The following BACE2 variants were observed in gnomAD, a reference collection of about 807,000 sequenced individuals.
The protein encoded by BACE2 is beta-secretase 2, also known as 56 kDa aspartic-like protease.
BACE2 carries 17 observed loss-of-function variants against 46.2 expected under a neutral mutation model. That is an observed-to-expected ratio of 0.37 (90% CI 0.25 to 0.55). The LOEUF (loss-of-function observed/expected upper bound fraction) is 0.55. Among genes scored for constraint, BACE2 ranks in the 20% least tolerant of loss-of-function variants. BACE2 has a pLI of 0.82. For synonymous variants in BACE2, 277 were observed against 295.9 expected, an observed-to-expected ratio of 0.94 and a Z score of 0.66; for missense variants, 595 against 698.1, an observed-to-expected ratio of 0.85 and a Z score of 1.66.
chr21:41,245,730 G>A (rs3787938), intron 5 of BACE2, among the ~76,000 whole-genome samples: 64,300 of 152,142 alleles, frequency 0.42, 15,217 homozygotes, highest in East Asian at 0.65. Flanking sequence ...AATTTGGGCC[G>A]TGTCCCCTCC....
At chr21:41,171,602 G>T (rs1984612143) in intron 1 of BACE2, among the ~76,000 whole-genome samples, 1 of 152,224 alleles carries the variant, frequency 6.6e-6, no homozygotes, top group Admixed American at 6.5e-5. Flanking sequence ...ACCAGCACCT[G>T]CTTGAACCGT....
chr21:41,214,019 G>A (rs781369094), intron 1 of BACE2, among the ~76,000 whole-genome samples: 8 of 152,156 alleles, frequency 5.3e-5, no homozygotes, highest in African/African-American at 9.7e-5. Flanking sequence ...AAAATTGCAC[G>A]TGGAACCGGC....
At chr21:41,244,893 A>G (rs932488140) in intron 5 of BACE2, among the ~76,000 whole-genome samples, 4 of 144,802 alleles carry the variant, frequency 2.8e-5, no homozygotes, top group Middle Eastern at 3.7e-3. Flanking sequence ...GTGTGTGTGT[A>G]TGTGTGTGTG....
At chr21:41,214,354 T>C (rs972505339) in intron 1 of BACE2, among the ~76,000 whole-genome samples, 2 of 152,228 alleles carry the variant, frequency 1.3e-5, no homozygotes, top group Admixed American at 6.5e-5. Flanking sequence ...GTTCAGGACA[T>C]GTCTAGTTCC....
At chr21:41,189,305 C>G (rs1482940784) in intron 1 of BACE2, among the ~76,000 whole-genome samples, 2 of 152,146 alleles carry the variant, frequency 1.3e-5, no homozygotes, top group Non-Finnish European at 2.9e-5. Flanking sequence ...CTTGGACCTC[C>G]CATTATTCAG....
intron 8 of BACE2, 80 bp downstream of exon 8, chr21:41,257,406 T>C (rs1368586934): frequency 6.8e-7 from 1 of 1,475,426 alleles, no homozygotes; most frequent in Non-Finnish European, 9.2e-7. Context: ...CAATTCTTGA[T>C]GGCAACTCAA....
In BACE2 at chr21:41,278,463, A is replaced by G. The variant is rs1568898745; in HGVS notation, c.*2839A>G. On this transcript the variant is annotated 3_prime_UTR_variant, in exon 9 of 9. Transcript: ENST00000330333. ...CAAGTACTTAGCACTCAAGAAACAG[A>G]TGCCCTGTGTGTGACCGAGGGGAGT... 1 of 152,238 alleles carries G rather than the reference A, an allele frequency of 6.6e-6. No individual in the cohort carries two copies. The highest frequency in any genetic ancestry group is 1.9e-4 in the East Asian group (1 of 5,202). The allele number at this position is 152,238 out of a possible 1,614,324, so 9.4% of individuals were successfully genotyped here.
chr21:41,241,014 C>T (rs1229477978), intron 3 of BACE2, among the ~76,000 whole-genome samples: 1 of 152,220 alleles, frequency 6.6e-6, no homozygotes, highest in Non-Finnish European at 1.5e-5. Flanking sequence ...GTCACCAACT[C>T]CAGTGTCTCC....
chr21:41,233,833 C>T (rs931544065), intron 2 of BACE2, among the ~76,000 whole-genome samples: 2 of 152,140 alleles, frequency 1.3e-5, no homozygotes, highest in Non-Finnish European at 2.9e-5. Context: ...TGGTGGCATG[C>T]GCCTGTAATC....
chr21:41,222,847 G>A (rs1331208512), intron 1 of BACE2, among the ~76,000 whole-genome samples: 1 of 152,164 alleles, frequency 6.6e-6, no homozygotes, highest in Admixed American at 6.5e-5. Flanking sequence ...CTGGATGTGG[G>A]CCATGAGGGG....
chr21:41,247,316 A>C (rs1987499970), intron 6 of BACE2, among the ~76,000 whole-genome samples: 1 of 152,208 alleles, frequency 6.6e-6, no homozygotes, highest in Admixed American at 6.5e-5. Flanking sequence ...TTTTCGAAGC[A>C]GCAGGTCTCA....
chr21:41,224,592 A>G (rs564386281), intron 1 of BACE2, among the ~76,000 whole-genome samples: 1 of 152,310 alleles, frequency 6.6e-6, no homozygotes, highest in East Asian at 1.9e-4. Context: ...TTCATTCTGT[A>G]AACAACTGGG....
Position 41,248,563 on chromosome 21 carries a change from C to T in BACE2, c.985-2189C>T, listed in dbSNP as rs191124397. ...GAGCATGTCTGAGAAGGGGCTCTCC[C>T]TGTGATGCACATCTTCAGTAGACTT... On this transcript the variant is annotated intron_variant, in intron 6 of 8. Transcript: ENST00000330333. 2.4e-3 allele frequency among the ~76,000 whole-genome samples: 364 copies of T among 152,372 alleles called. 2 individuals are homozygous for T. Among genetic ancestry groups the T allele is most frequent in the Non-Finnish European group, 3.7e-3 (252 of 68,032 alleles).
Position 41,279,532 on chromosome 21 carries a change from G to A in BACE2, c.*3908G>A, listed in dbSNP as rs1350914495. On this transcript the variant is annotated 3_prime_UTR_variant, in exon 9 of 9. Transcript: ENST00000330333. Reference sequence around the variant, plus strand: ...GAATCGCTTGAACCGGGGAGGCAGAGGTTGTAGTGAGCCAAGATTGCGCCA... The same window carrying A: ...GAATCGCTTGAACCGGGGAGGCAGAAGTTGTAGTGAGCCAAGATTGCGCCA... 2 of 152,248 alleles carry A rather than the reference G, an allele frequency of 1.3e-5. No individual in the cohort carries two copies. Among genetic ancestry groups the A allele is most frequent in the African/African-American group, 2.4e-5 (1 of 41,416 alleles). The allele number at this position is 152,248 out of a possible 1,614,324, so 9.4% of individuals were successfully genotyped here.
intron 8 of BACE2, among the ~76,000 whole-genome samples, chr21:41,260,017 AG>A (rs1406613923): frequency 6.6e-6 from 1 of 151,984 alleles, no homozygotes; most frequent in Non-Finnish European, 1.5e-5. Flanking sequence ...TTTTCTCTAG[AG>A]GGGGTTTTGC....
At chr21:41,176,171 C>G (rs564801255) in intron 1 of BACE2, 1 of 152,308 alleles carries the variant, frequency 6.6e-6, no homozygotes, top group African/African-American at 2.4e-5. Context: ...CTCCATAGCT[C>G]TAATTTTTTG....
At chr21:41,243,265 G>C in intron 4 of BACE2, 111 bp from the exon 5 acceptor site, 1 of 871,756 alleles carries the variant, frequency 1.1e-6, no homozygotes, top group Non-Finnish European at 1.7e-6. Context: ...TCACGAAGTA[G>C]AAGCCCTGAT....
chr21:41,245,118 A>T, intron 5 of BACE2, among the ~76,000 whole-genome samples: 1 of 152,240 alleles, frequency 6.6e-6, no homozygotes, highest in South Asian at 2.1e-4. Flanking sequence ...TAGATTTTAA[A>T]TTAAGTTTGT....
chr21:41,181,779 C>G (rs532620134), intron 1 of BACE2: 1 of 167,110 alleles, frequency 6.0e-6, no homozygotes, highest in South Asian at 2.1e-4. Flanking sequence ...GTTAGGAGGT[C>G]TGGGGACATG....
Sources: gnomAD v4.1 joint callset for allele counts (sites outside exome capture counted in the v4.1 genomes callset) on GRCh38, gnomAD v4.1.1 for gene constraint, MANE v1.5 for transcripts, NCBI Gene and HGNC (gene_info 2026-07-23, HGNC 2026-07-21) for gene names.